Variants in WRN observed in about 807,000 individuals in gnomAD.
WRN encodes the protein WRN RecQ like helicase.
In WRN, 149 loss-of-function variants were observed where a neutral mutation model predicts 180.7. The ratio of observed to expected loss-of-function variants is 0.82; its 90% CI spans 0.72 to 0.94. The LOEUF (loss-of-function observed/expected upper bound fraction) is 0.94. Ranked by LOEUF, WRN falls within the 40% of genes least tolerant of loss-of-function variation. WRN has a pLI of 0.00. For synonymous variants in WRN, 548 were observed against 568.9 expected (o/e 0.96, Z 0.52); for missense variants, 1,661 against 1,700.1 (o/e 0.98, Z 0.40).
At chr8:31,052,409 A>G (rs1024854179) in intron 1 of WRN, among the ~76,000 whole-genome samples, 7 of 151,820 alleles carry the variant, frequency 4.6e-5, no homozygotes, top group Admixed American at 2.0e-4. Context: ...TTTTTTTTTG[A>G]GACAGTCTTG....
intron 1 of WRN, 24 bp from the exon 2 acceptor site, chr8:31,058,348 C>A: frequency 2.0e-6 from 2 of 976,968 alleles, no homozygotes; most frequent in Non-Finnish European, 3.2e-6. Context: ...GGTTTTCATT[C>A]ATATTGACAG....
Position 31,173,965 on chromosome 8 carries a change from G to A in WRN, c.*863G>A, listed in dbSNP as rs1804191630. ...TTCAAAGCCTTTGATTGGCTTTTTT[G>A]TAAATAAAAATAACTTGTTAAGAAA... is the stretch of plus-strand genomic sequence containing the variant. On this transcript the variant is annotated 3_prime_UTR_variant, in exon 35 of 35. Transcript: ENST00000298139. Among the ~76,000 whole-genome samples, 2 of 151,918 alleles carry A rather than the reference G, an allele frequency of 1.3e-5. No individual in the cohort carries two copies. The highest frequency in any genetic ancestry group is 1.3e-4 in the Admixed American group (2 of 15,260).
intron 31 of WRN, among the ~76,000 whole-genome samples, chr8:31,153,032 A>T (rs1168549916): frequency 6.6e-6 from 1 of 152,118 alleles, no homozygotes; most frequent in Non-Finnish European, 1.5e-5. Flanking sequence ...GATAGAAAAA[A>T]AAAAAAAAAG....
In WRN at chr8:31,173,982, G is replaced by A. The variant is rs1246405441; in HGVS notation, c.*880G>A. Among the ~76,000 whole-genome samples, 1 of 152,034 alleles carries A rather than the reference G, an allele frequency of 6.6e-6. No homozygotes were observed. Among genetic ancestry groups the A allele is most frequent in the Non-Finnish European group, 1.5e-5 (1 of 67,994 alleles). On this transcript the variant is annotated 3_prime_UTR_variant, in exon 35 of 35. Coordinates refer to ENST00000298139, the MANE Select transcript of WRN (RefSeq NM_000553.6). ...GCTTTTTTGTAAATAAAAATAACTTGTTAAGAAACAAATATATCTGTCATA... is the reference window on the plus strand; with the variant it reads ...GCTTTTTTGTAAATAAAAATAACTTATTAAGAAACAAATATATCTGTCATA...
rs1206738860 is a variant in WRN, at chr8:31,138,102, C to CA, written c.2968-3317dup. 6.5e-3 allele frequency among the ~76,000 whole-genome samples: 929 copies of CA among 143,452 alleles called. 6 individuals carry two copies. The highest frequency in any genetic ancestry group is 0.01 in the Non-Finnish European group (673 of 65,418). 94.1% of individuals were successfully genotyped at this position (143,452 alleles called of 152,430 possible). A position where few individuals can be genotyped will look rare whatever the true frequency, so the allele number is the denominator to read the frequency against. On this transcript the variant is annotated intron_variant, in intron 24 of 34. Coordinates refer to ENST00000298139, the MANE Select transcript of WRN (RefSeq NM_000553.6). Reference sequence around the variant, plus strand: ...GGGTGACAAAGAGAGACCCTGTCTCCAAAAAAAAAAATTAGAACTAGTTAT... The same window carrying CA: ...GGGTGACAAAGAGAGACCCTGTCTCCAAAAAAAAAAAATTAGAACTAGTTAT...
intron 24 of WRN, among the ~76,000 whole-genome samples, chr8:31,137,865 G>A (rs574428620): frequency 1.2e-4 from 19 of 152,060 alleles, no homozygotes; most frequent in African/African-American, 4.3e-4. Context: ...TTGGGAGACC[G>A]AGGCACGAGG....
rs879413392 is a variant in WRN at position 31,126,255 on chromosome 8, AAAAC to A, written c.2825+1260_2825+1263del. 2.0e-3 allele frequency among the ~76,000 whole-genome samples: 302 copies of A among 152,290 alleles called. 9 individuals carry two copies. Among genetic ancestry groups the A allele is most frequent in the Admixed American group, 0.019 (285 of 15,294 alleles). On this transcript the variant is annotated intron_variant, in intron 23 of 34. Transcript: ENST00000298139. ...GAACATGGATCATATTCAGAGTCAT[AAAAC>A]AAACCTTAACAAATTTAAGAATCTT...
chr8:31,112,734 G>A (rs1801366416), intron 19 of WRN, among the ~76,000 whole-genome samples: 1 of 151,876 alleles, frequency 6.6e-6, no homozygotes, highest in Non-Finnish European at 1.5e-5. Context: ...TTACAGGTGT[G>A]CGCCACCATG....
chr8:31,089,106 T>A, intron 13 of WRN, 141 bp downstream of exon 13: 1 of 701,990 alleles, frequency 1.4e-6, no homozygotes, highest in Non-Finnish European at 2.4e-6. Flanking sequence ...TCTGTGTGAC[T>A]ACAAAATTAT....
At chr8:31,144,363 TCTCA>T (rs1268239556) in intron 28 of WRN, among the ~76,000 whole-genome samples, 1 of 147,132 alleles carries the variant, frequency 6.8e-6, no homozygotes, top group African/African-American at 2.5e-5. Flanking sequence ...CGAGACTGAG[TCTCA>T]CTCTGTTGTT....
intron 23 of WRN, among the ~76,000 whole-genome samples, chr8:31,130,316 T>G (rs1203536249): frequency 6.6e-6 from 1 of 152,170 alleles, no homozygotes; most frequent in Non-Finnish European, 1.5e-5. Context: ...AAGCATAGTT[T>G]TTTTCCCCCA....
At chr8:31,155,694 G>A (rs1803360921) in intron 32 of WRN, among the ~76,000 whole-genome samples, 1 of 151,852 alleles carries the variant, frequency 6.6e-6, no homozygotes, top group Non-Finnish European at 1.5e-5. Flanking sequence ...AGGCTGTTGA[G>A]GTTTTTTGTA....
rs540283267 is a variant in WRN, at chr8:31,100,975, A to G, written c.2088+20A>G. On this transcript the variant is annotated intron_variant, in intron 18 of 34. Coordinates refer to ENST00000298139, the MANE Select transcript of WRN (RefSeq NM_000553.6). ...CCAATGGTAAGCTTTGCCAAGTCTG[A>G]TGTCCCGAAATTACATTCTTAATAA... is the stretch of plus-strand genomic sequence containing the variant. 226 of 1,592,576 alleles carry G rather than the reference A, an allele frequency of 1.4e-4. 2 individuals are homozygous for G. In the South Asian group the frequency reaches 2.3e-3, roughly 16 times the overall value.
At position 31,116,376 on chromosome 8, in the gene WRN, C is replaced by G. The variant is rs781541304; in HGVS notation, c.2296C>G (p.Pro766Ala). The change falls in exon 20 of 35, where the codon CCA becomes GCA. Residue 766 changes from proline to alanine, a missense_variant. Physicochemically the swap from Pro to Ala is conservative, Grantham distance 27 (BLOSUM62 -1). This residue lies in a region of WRN where 1,141 missense variants were observed against 1,149.4 expected (regional missense o/e 0.99). Coordinates refer to ENST00000298139, the MANE Select transcript of WRN (RefSeq NM_000553.6). The stretch of plus-strand genomic sequence containing the variant: ...TAGTTCCCACTGGGAATTTGAAGGT[C>G]CAACAATCATCTACTGTCCTTCTAG... ...KTSSHWEFEG[P>A]TIIYCPSRKM... The G allele has an allele frequency of 5.0e-6, 8 of 1,613,760 alleles. No individual in the cohort carries two copies. Among genetic ancestry groups the G allele is most frequent in the African/African-American group, 1.3e-5 (1 of 74,888 alleles).
At chr8:31,112,848 A>G (rs1238882325) in intron 19 of WRN, among the ~76,000 whole-genome samples, 1 of 152,114 alleles carries the variant, frequency 6.6e-6, no homozygotes, top group Non-Finnish European at 1.5e-5. Flanking sequence ...TTGGCCTTCC[A>G]AAGTGCTGGA....
chr8:31,092,207 T>C (rs1010865465), intron 16 of WRN, among the ~76,000 whole-genome samples: 4 of 152,120 alleles, frequency 2.6e-5, no homozygotes, highest in Non-Finnish European at 5.9e-5. Context: ...AAGATTAGCA[T>C]TGTACTCATA....
chr8:31,095,316 A>G (rs1813919945), intron 16 of WRN, among the ~76,000 whole-genome samples: 1 of 152,142 alleles, frequency 6.6e-6, no homozygotes, highest in Non-Finnish European at 1.5e-5. Context: ...CTGAATATAA[A>G]TTATTTATTT....
chr8:31,072,789 C>T (rs768553644), intron 7 of WRN, among the ~76,000 whole-genome samples: 10 of 152,076 alleles, frequency 6.6e-5, no homozygotes, highest in African/African-American at 2.2e-4. Context: ...TAGAGTTGCT[C>T]GGGAAAATTT....
chr8:31,109,176 A>G (rs1031746769), intron 18 of WRN, among the ~76,000 whole-genome samples: 3 of 152,238 alleles, frequency 2.0e-5, no homozygotes, highest in Admixed American at 6.5e-5. Context: ...ATAAGTTTAC[A>G]ATACACTCAG....
Sources: gnomAD v4.1 joint callset for allele counts (sites outside exome capture counted in the v4.1 genomes callset) on GRCh38, gnomAD v4.1.1 for gene constraint, gnomAD v4.1.1 regional missense constraint, MANE v1.5 for transcripts, NCBI Gene and HGNC (gene_info 2026-07-23, HGNC 2026-07-21) for gene names.